Variants in NME7 observed in about 807,000 individuals in gnomAD.
NME7 encodes the protein nucleoside diphosphate kinase 7.
In NME7, 41 loss-of-function variants were observed where a neutral mutation model predicts 49.1. That is an observed-to-expected ratio of 0.83 (90% CI 0.65 to 1.08). The LOEUF (loss-of-function observed/expected upper bound fraction) is 1.08. Ranked by LOEUF, NME7 falls within the 50% of genes least tolerant of loss-of-function variation. NME7 has a pLI of 0.00. For missense variants in NME7, 423 were observed against 463.4 expected (o/e 0.91, Z 0.80); for synonymous variants, 139 against 150.6 (o/e 0.92, Z 0.56).
chr1:169,252,419 T>C (rs1347539188), intron 7 of NME7, among the ~76,000 whole-genome samples: 3 of 152,150 alleles, frequency 2.0e-5, no homozygotes, highest in Admixed American at 6.5e-5. Context: ...TTTGTTTTTT[T>C]CTTAAAAATT....
intron 3 of NME7, 99 bp from the exon 4 acceptor site, chr1:169,310,179 A>C: frequency 1.1e-4 from 76 of 723,746 alleles, no homozygotes; most frequent in East Asian, 3.2e-4. Flanking sequence ...ATCCTAGATC[A>C]TCAAAATTTG....
At chr1:169,211,573 T>C (rs1264209866) in intron 10 of NME7, among the ~76,000 whole-genome samples, 2 of 152,158 alleles carry the variant, frequency 1.3e-5, no homozygotes, top group Non-Finnish European at 2.9e-5. Context: ...CAAAAGTCAT[T>C]AGATTTGCAC....
chr1:169,354,186 A>C (rs575339310), intron 1 of NME7, among the ~76,000 whole-genome samples: 2 of 152,264 alleles, frequency 1.3e-5, no homozygotes, highest in African/African-American at 4.8e-5. Context: ...AATATGGTAC[A>C]TATACCAAAT....
chr1:169,355,094 ATAT>A (rs1485110763), intron 1 of NME7, among the ~76,000 whole-genome samples: 1 of 55,710 alleles, frequency 1.8e-5, no homozygotes, highest in African/African-American at 7.8e-5. Context: ...AATATACTAT[ATAT>A]TATAGATATA....
At chr1:169,191,481 C>G (rs1481390145) in intron 10 of NME7, among the ~76,000 whole-genome samples, 1 of 152,208 alleles carries the variant, frequency 6.6e-6, no homozygotes, top group Non-Finnish European at 1.5e-5. Context: ...GGAAAACCAT[C>G]TGCTCCGCAA....
intron 3 of NME7, among the ~76,000 whole-genome samples, chr1:169,314,459 GA>G (rs1399846508): frequency 2.6e-5 from 4 of 151,866 alleles, no homozygotes; most frequent in Non-Finnish European, 4.4e-5. Context: ...AAAAATAGAT[GA>G]AAAAAATCCT....
At chr1:169,256,828 A>G (rs1648960444) in intron 7 of NME7, among the ~76,000 whole-genome samples, 1 of 131,718 alleles carries the variant, frequency 7.6e-6, no homozygotes, top group South Asian at 2.4e-4. Flanking sequence ...CTGCCGTGTG[A>G]GGTGTCAGTG....
chr1:169,367,619 A>G, intron 1 of NME7, 89 bp downstream of exon 1: 11 of 1,475,834 alleles, frequency 7.5e-6, no homozygotes, highest in Middle Eastern at 1.7e-4. Flanking sequence ...GGAGGACCGG[A>G]CAACTTTAAG....
chr1:169,195,841 C>T (rs1323816183), intron 10 of NME7, among the ~76,000 whole-genome samples: 2 of 152,078 alleles, frequency 1.3e-5, no homozygotes, highest in Non-Finnish European at 2.9e-5. Flanking sequence ...AGCTTGCATG[C>T]TAGTGAAAGG....
intron 1 of NME7, among the ~76,000 whole-genome samples, chr1:169,346,208 AT>A (rs1420283196): frequency 2.0e-5 from 3 of 152,096 alleles, no homozygotes; most frequent in Non-Finnish European, 1.5e-5. Context: ...AAAAATATAA[AT>A]TGTATCACCT....
chr1:169,146,481 C>T (rs771236541), intron 11 of NME7, among the ~76,000 whole-genome samples: 11 of 152,140 alleles, frequency 7.2e-5, no homozygotes, highest in Non-Finnish European at 1.5e-4. Context: ...AGGTGGTGTA[C>T]CTAAGGGACA....
At chr1:169,213,254 G>A (rs1660882997) in intron 10 of NME7, among the ~76,000 whole-genome samples, 3 of 152,024 alleles carry the variant, frequency 2.0e-5, no homozygotes, top group Admixed American at 1.3e-4. Flanking sequence ...AGGCTCACAG[G>A]AACCTAACTC....
At position 169,184,144 on chromosome 1, in the gene NME7, A is replaced by T. The variant is rs566971996; in HGVS notation, c.991-14590T>A. Among the ~76,000 whole-genome samples, 479 of 142,566 alleles carry T rather than the reference A, an allele frequency of 3.4e-3. 3 individuals are homozygous for T. Among genetic ancestry groups the T allele is most frequent in the African/African-American group, 6.6e-3 (262 of 39,826 alleles). 93.5% of individuals were successfully genotyped at this position (142,566 alleles called of 152,430 possible). A position where few individuals can be genotyped will look rare whatever the true frequency, so the allele number is the denominator to read the frequency against. On this transcript the variant is annotated intron_variant, in intron 10 of 11. Coordinates refer to ENST00000367811, the MANE Select transcript of NME7 (RefSeq NM_013330.5). ...CTTGAAACACACTTACATTGTTTTT[A>T]AAAAAAAAAACAAAATTCCATTTCC...
At chr1:169,209,775 G>T (rs1660763200) in intron 10 of NME7, among the ~76,000 whole-genome samples, 1 of 151,982 alleles carries the variant, frequency 6.6e-6, no homozygotes, top group African/African-American at 2.4e-5. Context: ...TTACCTTGTA[G>T]GCTACTTTCC....
chr1:169,257,071 T>C (rs1322906603), intron 7 of NME7, among the ~76,000 whole-genome samples: 1 of 134,446 alleles, frequency 7.4e-6, no homozygotes, highest in Non-Finnish European at 1.8e-5. Flanking sequence ...GCAGGCCTCC[T>C]TGAGCTGTGG....
intron 10 of NME7, among the ~76,000 whole-genome samples, chr1:169,196,026 A>C (rs1182969111): frequency 1.3e-5 from 2 of 152,150 alleles, no homozygotes; most frequent in African/African-American, 4.8e-5. Context: ...TGAGAATGAG[A>C]TATTCAAGCA....
chr1:169,150,318 T>C (rs1420999488), intron 11 of NME7, among the ~76,000 whole-genome samples: 1 of 152,214 alleles, frequency 6.6e-6, no homozygotes, highest in Non-Finnish European at 1.5e-5. Flanking sequence ...CAAGCTAGTC[T>C]ATCTGTATAC....
At chr1:169,208,864 C>A (rs970626227) in intron 10 of NME7, among the ~76,000 whole-genome samples, 1 of 151,976 alleles carries the variant, frequency 6.6e-6, no homozygotes, top group South Asian at 2.1e-4. Flanking sequence ...ATACAAAGAT[C>A]CATAGATTTA....
chr1:169,137,199 T>C (rs1340318531), intron 11 of NME7, among the ~76,000 whole-genome samples: 1 of 152,256 alleles, frequency 6.6e-6, no homozygotes, highest in Non-Finnish European at 1.5e-5. Context: ...GCTGGCTGCA[T>C]GGGCCTGCAG....
Sources: gnomAD v4.1 joint callset for allele counts (sites outside exome capture counted in the v4.1 genomes callset) on GRCh38, gnomAD v4.1.1 for gene constraint, MANE v1.5 for transcripts, NCBI Gene and HGNC (gene_info 2026-07-23, HGNC 2026-07-21) for gene names.